Variants in LNX1 observed in about 807,000 individuals in gnomAD.
LNX1 encodes ligand of numb-protein X 1, also known as E3 ubiquitin-protein ligase LNX.
Under a neutral mutation model 68.4 loss-of-function variants are expected in LNX1, and 54 were observed. The observed-to-expected ratio is 0.79, with a 90% CI of 0.63 to 0.99. The LOEUF is 0.99. Ranked by LOEUF, LNX1 falls within the 50% of genes least tolerant of loss-of-function variation. The probability of loss-of-function intolerance (pLI) is 0.00; values close to 1 mark genes in which losing one functional copy is unlikely to be tolerated. For synonymous variants in LNX1, 336 were observed against 350.0 expected (o/e 0.96, Z 0.45); for missense variants, 906 against 926.4 (o/e 0.98, Z 0.29).
chr4:53,530,888 G>C (rs1382345180), intron 2 of LNX1, among the ~76,000 whole-genome samples: 2 of 152,128 alleles, frequency 1.3e-5, no homozygotes, highest in African/African-American at 4.8e-5. Context: ...ATGAGGCCAG[G>C]CATAGTGACT....
intron 2 of LNX1, among the ~76,000 whole-genome samples, chr4:53,616,056 C>A (rs553103369): frequency 6.6e-6 from 1 of 152,244 alleles, no homozygotes; most frequent in Non-Finnish European, 1.5e-5. Flanking sequence ...CACCCCCGTC[C>A]TTCCAAGACT....
chr4:53,586,425 T>C (rs1472005154), intron 1 of LNX1, among the ~76,000 whole-genome samples: 3 of 152,170 alleles, frequency 2.0e-5, no homozygotes, highest in Non-Finnish European at 2.9e-5. Context: ...TTAAAGAAAA[T>C]TCTTGGAGAG....
Position 53,508,124 on chromosome 4 carries a change from G to C in LNX1, c.484C>G (p.Pro162Ala). The C allele has an allele frequency of 6.2e-7, 1 of 1,614,172 alleles. No homozygotes were observed. The highest frequency in any genetic ancestry group is 8.5e-7 in the Non-Finnish European group (1 of 1,180,028). The change falls in exon 3 of 11, where the codon CCA becomes GCA. Residue 162 changes from proline (P) to alanine (A), a missense_variant. Pro to Ala is a conservative substitution (Grantham distance 27). Coordinates refer to ENST00000263925, the MANE Select transcript of LNX1 (RefSeq NM_001126328.3). ...CASLTATAPS[P>A]EVSAAATISL... ...ATGGTGGCAGCTGCAGAAACCTCTG[G>C]GGAGGGAGCCGTGGCTGTGAGGCTC...
chr4:53,477,721 T>G (rs1168360600), intron 8 of LNX1, among the ~76,000 whole-genome samples: 2 of 152,200 alleles, frequency 1.3e-5, no homozygotes. Context: ...TCCTGTTTTT[T>G]TCTGTCCCCT....
intron 5 of LNX1, among the ~76,000 whole-genome samples, chr4:53,498,439 G>A (rs1725234459): frequency 6.6e-6 from 1 of 151,984 alleles, no homozygotes; most frequent in East Asian, 1.9e-4. Context: ...AGAAAGGGGG[G>A]AGAGAGTGAA....
At chr4:53,579,080 C>T (rs1409598216) in intron 1 of LNX1, among the ~76,000 whole-genome samples, 1 of 152,140 alleles carries the variant, frequency 6.6e-6, no homozygotes, top group East Asian at 1.9e-4. Flanking sequence ...TAGTTTCTCC[C>T]ACCAAAAGTA....
chr4:53,585,655 T>C (rs1285270441), intron 1 of LNX1, among the ~76,000 whole-genome samples: 4 of 152,010 alleles, frequency 2.6e-5, no homozygotes, highest in Non-Finnish European at 4.4e-5. Flanking sequence ...GAGAAGGTGA[T>C]GTGAGGAGAG....
At chr4:53,608,434 A>G (rs1560692386) in intron 2 of LNX1, among the ~76,000 whole-genome samples, 1 of 152,214 alleles carries the variant, frequency 6.6e-6, no homozygotes, top group Non-Finnish European at 1.5e-5. Flanking sequence ...CACCAGTCAG[A>G]ATGGCTATTA....
At chr4:53,510,475 G>A (rs1388340913) in intron 2 of LNX1, among the ~76,000 whole-genome samples, 5 of 152,198 alleles carry the variant, frequency 3.3e-5, no homozygotes, top group African/African-American at 2.4e-5. Flanking sequence ...GCTAGTGCTT[G>A]TCCTCAGCTG....
At chr4:53,566,521 C>T (rs1730705193) in intron 2 of LNX1, among the ~76,000 whole-genome samples, 1 of 149,978 alleles carries the variant, frequency 6.7e-6, no homozygotes, top group South Asian at 2.1e-4. Flanking sequence ...AAAGGAACAA[C>T]CGGTACCAGC....
At chr4:53,603,209 G>T (rs1733089966) in intron 2 of LNX1, among the ~76,000 whole-genome samples, 1 of 152,200 alleles carries the variant, frequency 6.6e-6, no homozygotes, top group Non-Finnish European at 1.5e-5. Context: ...AGGACTCCAG[G>T]GTGGTTGCAG....
intron 9 of LNX1, among the ~76,000 whole-genome samples, chr4:53,464,540 T>G (rs532152865): frequency 7.8e-4 from 53 of 67,904 alleles, no homozygotes; most frequent in African/African-American, 2.7e-3. Flanking sequence ...AACTCATAAT[T>G]CTGTGTTCAA....
intron 4 of LNX1, among the ~76,000 whole-genome samples, chr4:53,499,252 G>C (rs1345771856): frequency 6.6e-6 from 1 of 152,080 alleles, no homozygotes; most frequent in Non-Finnish European, 1.5e-5. Context: ...TCCGCCTCCT[G>C]AGCTCAAGTG....
Position 53,478,746 on chromosome 4 carries a change from A to T in LNX1, c.1486-4T>A. The T allele has an allele frequency of 6.2e-7, 1 of 1,611,884 alleles. No homozygotes were observed. Among genetic ancestry groups the T allele is most frequent in the Middle Eastern group, 1.7e-4 (1 of 6,046 alleles). On this transcript the variant is annotated splice_polypyrimidine_tract_variant and splice_region_variant and intron_variant, in intron 7 of 10. Coordinates refer to ENST00000263925, the MANE Select transcript of LNX1 (RefSeq NM_001126328.3). ...AAGTAATTGTAGGATGGAGGGGCTG[A>T]AGGCACAGATGGAAAAACATGGCAC... is the stretch of plus-strand genomic sequence containing the variant.
At chr4:53,548,106 G>C (rs938091365) in intron 2 of LNX1, among the ~76,000 whole-genome samples, 1 of 143,300 alleles carries the variant, frequency 7.0e-6, no homozygotes, top group Non-Finnish European at 1.5e-5. Context: ...TGAGCACACA[G>C]AAGGAGTGAT....
chr4:53,637,045 C>T (rs1734505785), intron 1 of LNX1, among the ~76,000 whole-genome samples: 1 of 147,880 alleles, frequency 6.8e-6, no homozygotes. Context: ...GACTGAATTA[C>T]CGCCTCAATT....
chr4:53,648,213 T>G (rs1040140434), intron 1 of LNX1, among the ~76,000 whole-genome samples: 1 of 152,260 alleles, frequency 6.6e-6, no homozygotes, highest in Non-Finnish European at 1.5e-5. Context: ...AGTCTACATT[T>G]CCATCAACAG....
chr4:53,621,859 C>T (rs1733891960), upstream of LNX1, among the ~76,000 whole-genome samples: 1 of 152,036 alleles, frequency 6.6e-6, no homozygotes, highest in Admixed American at 6.5e-5. Context: ...TTGCTTTGGA[C>T]CTTTCATTTC....
intron 6 of LNX1, among the ~76,000 whole-genome samples, chr4:53,483,663 G>C (rs1391656029): frequency 6.6e-6 from 1 of 152,222 alleles, no homozygotes; most frequent in African/African-American, 2.4e-5. Flanking sequence ...GGAGATGGAA[G>C]AGAGAGGAGT....
Sources: allele counts gnomAD v4.1 joint callset (sites outside exome capture counted in the v4.1 genomes callset), GRCh38; gene constraint gnomAD v4.1.1; transcripts MANE v1.5; gene names NCBI Gene and HGNC (gene_info 2026-07-23, HGNC 2026-07-21).